Variants in SPAG9 observed in about 807,000 individuals in gnomAD.
SPAG9 encodes the protein C-Jun-amino-terminal kinase-interacting protein 4.
Under a neutral mutation model 166.5 loss-of-function variants are expected in SPAG9, and 35 were observed. That is an observed-to-expected ratio of 0.21 (90% CI 0.16 to 0.28). The LOEUF (loss-of-function observed/expected upper bound fraction) is 0.28. Ranked by LOEUF, SPAG9 falls within the 10% of genes least tolerant of loss-of-function variation. SPAG9 has a pLI of 1.00. For missense variants in SPAG9, 1,235 were observed against 1,603.3 expected (o/e 0.77, Z 3.92); for synonymous variants, 534 against 565.5 (o/e 0.94, Z 0.79).
chr17:51,105,044 C>T (rs1028931940), intron 1 of SPAG9, among the ~76,000 whole-genome samples: 14 of 151,804 alleles, frequency 9.2e-5, no homozygotes, highest in Admixed American at 6.6e-4. Context: ...TGCAGTGAGC[C>T]GAGATCACGC....
At chr17:51,044,400 A>C (rs986857198) in intron 4 of SPAG9, among the ~76,000 whole-genome samples, 5 of 152,210 alleles carry the variant, frequency 3.3e-5, no homozygotes, top group Non-Finnish European at 5.9e-5. Flanking sequence ...AGCTATCAAC[A>C]ACTATCAGAA....
At chr17:51,042,807 T>C (rs1282161876) in intron 4 of SPAG9, among the ~76,000 whole-genome samples, 1 of 152,174 alleles carries the variant, frequency 6.6e-6, no homozygotes, top group Non-Finnish European at 1.5e-5. Flanking sequence ...CTACATTTAG[T>C]CAAAGTTGTA....
At chr17:50,970,104 T>C (rs887103830) in intron 29 of SPAG9, among the ~76,000 whole-genome samples, 4 of 152,162 alleles carry the variant, frequency 2.6e-5, no homozygotes, top group Admixed American at 2.6e-4. Context: ...CTCTAAGAGG[T>C]TGAATGACTT....
chr17:51,015,066 GAA>G (rs1418332509), intron 8 of SPAG9, among the ~76,000 whole-genome samples: 1 of 151,780 alleles, frequency 6.6e-6, no homozygotes, highest in African/African-American at 2.4e-5. Context: ...TGAAAGTTAA[GAA>G]ATTAAAAAGG....
chr17:50,967,831 C>T (rs1973475777), intron 29 of SPAG9, among the ~76,000 whole-genome samples: 1 of 152,178 alleles, frequency 6.6e-6, no homozygotes, highest in South Asian at 2.1e-4. Context: ...TTTTTTACAA[C>T]AGTATATTCA....
intron 1 of SPAG9, among the ~76,000 whole-genome samples, chr17:51,091,264 C>A (rs1270138956): frequency 1.4e-5 from 2 of 147,706 alleles, no homozygotes; most frequent in Non-Finnish European, 3.0e-5. Flanking sequence ...CGGATCAAGA[C>A]CCTGTATACA....
intron 19 of SPAG9, among the ~76,000 whole-genome samples, 200 bp downstream of exon 19, chr17:50,993,564 T>C (rs1012202031): frequency 6.6e-6 from 1 of 152,212 alleles, no homozygotes; most frequent in Non-Finnish European, 1.5e-5. Flanking sequence ...TTCCCATTGT[T>C]TTATTTTCTT....
At position 51,111,101 on chromosome 17, in the gene SPAG9, G is replaced by A. The variant is rs1229520284; in HGVS notation, c.303+9253C>T. On this transcript the variant is annotated intron_variant, in intron 1 of 29. Transcript: ENST00000262013. ...ACTGCACTCCAGCCAGGGTGACAGA[G>A]CAAGACTCCGTCTCAAAAAAAAAAA... 4.0e-5 allele frequency among the ~76,000 whole-genome samples: 6 copies of A among 151,658 alleles called. No homozygotes were observed. The South Asian group carries it at 1.2e-3, about 32-fold the overall frequency.
chr17:50,967,627 G>A (rs1273914834), intron 29 of SPAG9, among the ~76,000 whole-genome samples: 1 of 152,150 alleles, frequency 6.6e-6, no homozygotes, highest in Non-Finnish European at 1.5e-5. Context: ...GAGACAAAAG[G>A]CTGTCGCCAT....
At chr17:50,998,214 T>C (rs1286855324) in intron 15 of SPAG9, among the ~76,000 whole-genome samples, 1 of 151,828 alleles carries the variant, frequency 6.6e-6, no homozygotes, top group African/African-American at 2.4e-5. Context: ...GTATTTTTAG[T>C]AGAGATGGGG....
chr17:50,971,793 G>C (rs1973842398), intron 28 of SPAG9, among the ~76,000 whole-genome samples: 1 of 151,114 alleles, frequency 6.6e-6, no homozygotes, highest in South Asian at 2.1e-4. Flanking sequence ...TTGAGACAGA[G>C]TTTCGCTCTT....
intron 2 of SPAG9, among the ~76,000 whole-genome samples, chr17:51,072,632 C>G (rs62062977): frequency 6.6e-6 from 1 of 151,646 alleles, no homozygotes; most frequent in South Asian, 2.1e-4. Context: ...TGCAGTGAGC[C>G]GAGATCGCGC....
chr17:50,971,057 T>C (rs1973758909), intron 28 of SPAG9, among the ~76,000 whole-genome samples: 1 of 152,152 alleles, frequency 6.6e-6, no homozygotes, highest in Admixed American at 6.5e-5. Context: ...TCAGGCATGG[T>C]GGCTCACACC....
chr17:51,042,333 T>C (rs1223470108), intron 4 of SPAG9, among the ~76,000 whole-genome samples: 1 of 152,186 alleles, frequency 6.6e-6, no homozygotes, highest in African/African-American at 2.4e-5. Flanking sequence ...CAATGCTTTG[T>C]GAGAAGTTTC....
chr17:51,049,835 TGATC>T (rs2047133221), intron 3 of SPAG9, among the ~76,000 whole-genome samples: 1 of 152,188 alleles, frequency 6.6e-6, no homozygotes, highest in African/African-American at 2.4e-5. Context: ...TGACCTCAAG[TGATC>T]CACCCGCCTT....
intron 3 of SPAG9, among the ~76,000 whole-genome samples, chr17:51,055,949 C>T (rs1163452578): frequency 6.6e-6 from 1 of 152,148 alleles, no homozygotes; most frequent in African/African-American, 2.4e-5. Flanking sequence ...GTTATTTTAA[C>T]ACATTATAAT....
intron 2 of SPAG9, among the ~76,000 whole-genome samples, chr17:51,077,813 G>C (rs2144632477): frequency 6.6e-6 from 1 of 152,098 alleles, no homozygotes; most frequent in East Asian, 1.9e-4. Context: ...ATCATACCCA[G>C]CTAATTTTTG....
At chr17:51,077,021 T>G (rs139026583) in intron 2 of SPAG9, among the ~76,000 whole-genome samples, 2,541 of 75,134 alleles carry the variant, frequency 0.034, 88 homozygotes, top group South Asian at 0.057. Flanking sequence ...TAGCTAGCTA[T>G]CTAGCTATCT....
At chr17:50,982,420 C>T (rs1227626024) in intron 25 of SPAG9, 104 bp downstream of exon 25, 3 of 1,099,612 alleles carry the variant, frequency 2.7e-6, no homozygotes, top group Non-Finnish European at 3.9e-6. Context: ...CTAAAACACA[C>T]AGATCCAGAA....
Sources: gnomAD v4.1 joint callset for allele counts (sites outside exome capture counted in the v4.1 genomes callset) on GRCh38, gnomAD v4.1.1 for gene constraint, MANE v1.5 for transcripts, NCBI Gene and HGNC (gene_info 2026-07-23, HGNC 2026-07-21) for gene names.